ZNG1E: variants seen among roughly 807,000 people sequenced by gnomAD.
ZNG1E encodes the protein zinc-regulated GTPase metalloprotein activator 1E.
the ZNG1E span, among the ~76,000 whole-genome samples, chr9:65,709,363 T>G: frequency 3.3e-5 from 5 of 151,056 alleles, no homozygotes; most frequent in African/African-American, 1.2e-4. Context: ...TTATTTATTA[T>G]TATTATACTT....
the ZNG1E span, among the ~76,000 whole-genome samples, chr9:65,668,500 TAC>T: frequency 6.7e-6 from 1 of 149,862 alleles, no homozygotes; most frequent in African/African-American, 2.5e-5. Context: ...TATATATATA[TAC>T]ATACACACAC....
At chr9:65,662,993 T>A in the ZNG1E span, among the ~76,000 whole-genome samples, 727 of 152,158 alleles carry the variant, frequency 4.8e-3, no homozygotes, top group African/African-American at 0.017. Context: ...CTCTGCTCAT[T>A]TAAGATAGTG....
chr9:65,702,060 CAG>C, the ZNG1E span, among the ~76,000 whole-genome samples: 1 of 149,532 alleles, frequency 6.7e-6, no homozygotes, highest in Admixed American at 6.7e-5. Context: ...GTGACTGACT[CAG>C]AATGATATTT....
the ZNG1E span, among the ~76,000 whole-genome samples, chr9:65,667,467 G>C: frequency 6.6e-6 from 1 of 152,268 alleles, no homozygotes; most frequent in East Asian, 1.9e-4. Flanking sequence ...AAGTAAACTA[G>C]TTTAATAAGC....
chr9:65,659,029 G>C, the ZNG1E span, among the ~76,000 whole-genome samples: 1 of 152,184 alleles, frequency 6.6e-6, no homozygotes, highest in African/African-American at 2.4e-5. Context: ...TGGAAAGTGG[G>C]GCAGGGGACA....
At chr9:65,674,015 C>A in the ZNG1E span, among the ~76,000 whole-genome samples, 1 of 152,216 alleles carries the variant, frequency 6.6e-6, no homozygotes, top group African/African-American at 2.4e-5. Context: ...CCAAAAAAAT[C>A]AATACTTCAT....
At chr9:65,666,719 T>G in the ZNG1E span, among the ~76,000 whole-genome samples, 6 of 149,180 alleles carry the variant, frequency 4.0e-5, no homozygotes, top group African/African-American at 2.4e-5. Flanking sequence ...GCTTGTATGA[T>G]TTACAGAATT....
the ZNG1E span, among the ~76,000 whole-genome samples, chr9:65,696,051 A>G: frequency 8.3e-6 from 1 of 119,762 alleles, no homozygotes; most frequent in Non-Finnish European, 1.8e-5. Context: ...ACCAAATGGT[A>G]TATAATGTAT....
the ZNG1E span, among the ~76,000 whole-genome samples, chr9:65,691,556 A>G: frequency 6.6e-6 from 1 of 152,248 alleles, no homozygotes; most frequent in African/African-American, 2.4e-5. Context: ...TCAACTTCCA[A>G]TTTAGTGCTT....
chr9:65,710,623 A>G, the ZNG1E span, among the ~76,000 whole-genome samples: 1 of 152,056 alleles, frequency 6.6e-6, no homozygotes, highest in Non-Finnish European at 1.5e-5. Flanking sequence ...TCCTTTCCCC[A>G]CTGCTTGTTT....
the ZNG1E span, among the ~76,000 whole-genome samples, chr9:65,692,272 A>T: frequency 7.5e-4 from 23 of 30,806 alleles, no homozygotes; most frequent in Non-Finnish European, 1.0e-3. Flanking sequence ...TTTGGATTGT[A>T]AGCTTTTTCA....
At chr9:65,693,533 C>T in the ZNG1E span, 6 of 1,197,998 alleles carry the variant, frequency 5.0e-6, no homozygotes, top group African/African-American at 1.5e-5. Flanking sequence ...TGTATCCAAC[C>T]TCATATCTGA....
the ZNG1E span, among the ~76,000 whole-genome samples, chr9:65,680,715 A>C: frequency 6.6e-6 from 1 of 152,276 alleles, no homozygotes; most frequent in Middle Eastern, 3.2e-3. Context: ...CTTATAGATA[A>C]CAAGCATTTC....
At chr9:65,668,548 A>C in the ZNG1E span, among the ~76,000 whole-genome samples, 1 of 150,620 alleles carries the variant, frequency 6.6e-6, no homozygotes, top group East Asian at 1.9e-4. Flanking sequence ...TATTTTAATA[A>C]GAAACAAGGT....
At chr9:65,658,949 A>AAG in the ZNG1E span, among the ~76,000 whole-genome samples, 1 of 151,478 alleles carries the variant, frequency 6.6e-6, no homozygotes, top group African/African-American at 2.4e-5. Flanking sequence ...TACCTCTTTA[A>AAG]AGGCCCCACG....
chr9:65,661,030 C>T, the ZNG1E span, among the ~76,000 whole-genome samples: 1 of 147,732 alleles, frequency 6.8e-6, no homozygotes, highest in Non-Finnish European at 1.5e-5. Flanking sequence ...CTTGCTCCAG[C>T]TGTGGAAACT....
chr9:65,717,516 A>T, the ZNG1E span, among the ~76,000 whole-genome samples: 5 of 149,602 alleles, frequency 3.3e-5, no homozygotes, highest in Non-Finnish European at 7.4e-5. Context: ...TTTGACTATC[A>T]GTGCTGTTCA....
At chr9:65,733,593 AAAG>A in the ZNG1E span, 2 of 1,600,594 alleles carry the variant, frequency 1.2e-6, no homozygotes, top group East Asian at 2.2e-5. Context: ...AACACATTTC[AAAG>A]AAGATCAAGT....
chr9:65,686,292 A>C, the ZNG1E span, among the ~76,000 whole-genome samples: 3 of 148,328 alleles, frequency 2.0e-5, no homozygotes, highest in African/African-American at 7.4e-5. Context: ...ATAGCTATGA[A>C]AGTCCTAAAT....
Sources: allele counts gnomAD v4.1 joint callset (sites outside exome capture counted in the v4.1 genomes callset), GRCh38; gene constraint gnomAD v4.1.1; transcripts MANE v1.5; gene names NCBI Gene and HGNC (gene_info 2026-07-23, HGNC 2026-07-21).